Variants in KIF25 observed in about 807,000 individuals in gnomAD.
The protein encoded by KIF25 is kinesin family member 25.
A neutral mutation model predicts 32.9 loss-of-function variants in KIF25; 19 were observed. The observed-to-expected ratio is 0.58, with a 90% CI of 0.40 to 0.85. KIF25 has a LOEUF of 0.85. Ranked by LOEUF, KIF25 falls within the 40% of genes least tolerant of loss-of-function variation. KIF25 has a pLI of 0.00. For missense variants in KIF25, 485 were observed against 507.0 expected, an observed-to-expected ratio of 0.96 and a Z score of 0.42; for synonymous variants, 225 against 213.7, an observed-to-expected ratio of 1.05 and a Z score of -0.46.
At chr6:168,010,935 C>T (rs1474511111) in intron 4 of KIF25, among the ~76,000 whole-genome samples, 1 of 152,020 alleles carries the variant, frequency 6.6e-6, no homozygotes, top group African/African-American at 2.4e-5. Context: ...CTCCTGATTG[C>T]TTTTGGTTTC....
At chr6:168,001,992 A>T in intron 2 of KIF25, among the ~76,000 whole-genome samples, 2 of 117,208 alleles carry the variant, frequency 1.7e-5, no homozygotes, top group South Asian at 3.1e-4. Context: ...GCGTAGCCTC[A>T]GGCAGGTGAG....
Position 168,044,956 on chromosome 6 carries a change from C to G in KIF25, c.1115C>G (p.Pro372Arg), listed in dbSNP as rs533895723. 6.2e-7 allele frequency: 1 copy of G among 1,609,112 alleles called. No homozygotes were observed. The highest frequency in any genetic ancestry group is 1.1e-5 in the South Asian group (1 of 90,644). The change falls in exon 13 of 13, where the codon CCG (proline) becomes CGG (arginine). Residue 372 changes from proline (P) to arginine (R), a missense_variant. Physicochemically the swap from Pro to Arg is moderately radical, Grantham distance 103. Around this residue, in one of 2 missense-constraint regions of KIF25, gnomAD observed 480 missense variants for 470.3 expected, o/e 1.02. Transcript: ENST00000643607. ...QVQRGPARKKPPSSQTEGKRR... is the reference protein window; with the variant it reads ...QVQRGPARKKRPSSQTEGKRR... ...CAGCGAGGCCCTGCCCGAAAGAAGC[C>G]GCCCAGCTCCCAAACGGAGGGGAAG...
intron 11 of KIF25, 32 bp downstream of exon 11, chr6:168,042,183 G>T: frequency 6.5e-7 from 1 of 1,539,392 alleles, no homozygotes; most frequent in Non-Finnish European, 8.8e-7. Context: ...CCTGGGGGGT[G>T]GGTGCTGCAG....
rs188054393 is a variant in KIF25 at position 167,999,857 on chromosome 6, A to C, written c.-370+537A>C. On this transcript the variant is annotated intron_variant, in intron 2 of 12. Coordinates refer to ENST00000643607, the MANE Select transcript of KIF25 (RefSeq NM_030615.4). ...TTGAAAACCATACTCAATATGACTT[A>C]CTTCCTTCCCCATGAAACAAACCCC... 3.0e-4 allele frequency among the ~76,000 whole-genome samples: 46 copies of C among 152,104 alleles called. No individual in the cohort carries two copies. In the East Asian group the frequency reaches 3.5e-3, roughly 12 times the overall value.
intron 4 of KIF25, among the ~76,000 whole-genome samples, chr6:168,006,356 A>T (rs1045326966): frequency 6.6e-6 from 1 of 152,142 alleles, no homozygotes; most frequent in Non-Finnish European, 1.5e-5. Context: ...GTGCTTTAAA[A>T]GTGTTCTTAT....
intron 9 of KIF25, 47 bp from the exon 10 acceptor site, chr6:168,040,018 A>AG (rs760218838): frequency 2.8e-5 from 44 of 1,563,844 alleles, no homozygotes; most frequent in Non-Finnish European, 3.7e-5. Context: ...GCCTTAGGTA[A>AG]GGGGGGCCGC....
chr6:168,018,337 G>A (rs1798743670), intron 5 of KIF25, among the ~76,000 whole-genome samples: 1 of 152,094 alleles, frequency 6.6e-6, no homozygotes, highest in Non-Finnish European at 1.5e-5. Flanking sequence ...CTTTCCATTT[G>A]GTGATTTTGC....
intron 7 of KIF25, among the ~76,000 whole-genome samples, chr6:168,031,319 A>AT (rs1448168875): frequency 2.0e-5 from 3 of 152,176 alleles, no homozygotes; most frequent in Non-Finnish European, 4.4e-5. Flanking sequence ...TTTTTACTTA[A>AT]TGGAGACACC....
chr6:168,016,261 A>C (rs1242432752), intron 4 of KIF25, among the ~76,000 whole-genome samples: 1 of 152,156 alleles, frequency 6.6e-6, no homozygotes, highest in Non-Finnish European at 1.5e-5. Context: ...AGGGGATGTG[A>C]CATTATCATG....
chr6:168,044,720 G>A, intron 12 of KIF25, 107 bp from the exon 13 acceptor site: 1 of 1,183,272 alleles, frequency 8.5e-7, no homozygotes, highest in Non-Finnish European at 1.2e-6. Context: ...TGGGGCGCCG[G>A]GCGGCCCTCT....
intron 8 of KIF25, chr6:168,035,678 C>G: frequency 4.4e-6 from 2 of 455,450 alleles, no homozygotes; most frequent in Admixed American, 4.7e-5. Context: ...TCAGTCGCCT[C>G]GTTTCTAAAA....
At chr6:168,041,556 T>C (rs555128043) in intron 10 of KIF25, among the ~76,000 whole-genome samples, 4 of 152,368 alleles carry the variant, frequency 2.6e-5, no homozygotes, top group African/African-American at 9.6e-5. Flanking sequence ...TGTTTAGGAA[T>C]AACACACTAC....
rs1050818505 is a variant in KIF25 at position 167,997,986 on chromosome 6, A to G, written c.-1483A>G. Among the ~76,000 whole-genome samples the G allele has an allele frequency of 6.6e-6, 1 of 152,164 alleles. No homozygotes were observed. The highest frequency in any genetic ancestry group is 6.5e-5 in the Admixed American group (1 of 15,272). ...ACTTATGTAGTTCAGTGCTCCAAAC[A>G]TTGATATAAGAGAACATTTATTGAG... On this transcript the variant is annotated 5_prime_UTR_variant, in exon 1 of 13. Coordinates refer to ENST00000643607, the MANE Select transcript of KIF25 (RefSeq NM_030615.4).
At chr6:168,013,742 T>TCC (rs147345069) in intron 4 of KIF25, among the ~76,000 whole-genome samples, 52,139 of 151,716 alleles carry the variant, frequency 0.34, 9,187 homozygotes, top group South Asian at 0.43. Flanking sequence ...CCCTTCTGCC[T>TCC]GGGCAGATCT....
chr6:168,000,821 AGGCTGTTTTTCT>A (rs961472267), intron 2 of KIF25, among the ~76,000 whole-genome samples: 1 of 151,632 alleles, frequency 6.6e-6, no homozygotes, highest in Admixed American at 6.6e-5. Flanking sequence ...TGCTTTGCTC[AGGCTGTTTTTCT>A]GGTCTTGGTT....
chr6:168,042,156 G>A lies in KIF25; in HGVS notation c.829+5G>A, dbSNP rs201046260. 1 of 1,546,666 alleles carries A rather than the reference G, an allele frequency of 6.5e-7. No homozygotes were observed. The highest frequency in any genetic ancestry group is 1.4e-5 in the African/African-American group (1 of 73,108). On this transcript the variant is annotated splice_donor_5th_base_variant and intron_variant, in intron 11 of 12. Coordinates refer to ENST00000643607, the MANE Select transcript of KIF25 (RefSeq NM_030615.4). ...CGGCCGGCAGCGAGTGCGTTGGTGA[G>A]CAGGGGCAGGCATTTCCCTGGGGGG...
intron 3 of KIF25, among the ~76,000 whole-genome samples, chr6:168,003,313 A>T (rs1161957843): frequency 6.6e-6 from 1 of 152,232 alleles, no homozygotes; most frequent in Non-Finnish European, 1.5e-5. Context: ...ATACATAAAA[A>T]GTAAAGAGTA....
At position 168,026,749 on chromosome 6, in the gene KIF25, T is replaced by C. The variant is rs111244326; in HGVS notation, c.-94-2743T>C. Among the ~76,000 whole-genome samples the C allele has an allele frequency of 4.8e-3, 725 of 152,262 alleles. 5 individuals are homozygous for C. The highest frequency in any genetic ancestry group is 0.017 in the African/African-American group (692 of 41,556). On this transcript the variant is annotated intron_variant, in intron 5 of 12. Transcript: ENST00000643607. ...TTTAAAAAAGGCAAACCAAAAGTAATGCCACTGATCCAAAATGCAAGGAGA... is the reference window on the plus strand; with the variant it reads ...TTTAAAAAAGGCAAACCAAAAGTAACGCCACTGATCCAAAATGCAAGGAGA...
intron 5 of KIF25, among the ~76,000 whole-genome samples, chr6:168,023,041 AC>A (rs1464433265): frequency 6.6e-6 from 1 of 150,852 alleles, no homozygotes; most frequent in African/African-American, 2.4e-5. Context: ...ACTTATCTGG[AC>A]CCCCTTTTCA....
Sources: allele counts gnomAD v4.1 joint callset (sites outside exome capture counted in the v4.1 genomes callset), GRCh38; gene constraint gnomAD v4.1.1; regional missense constraint gnomAD v4.1.1; transcripts MANE v1.5; gene names NCBI Gene and HGNC (gene_info 2026-07-23, HGNC 2026-07-21).